Variants in DHODH observed in about 807,000 individuals in gnomAD.
The protein encoded by DHODH is dihydroorotate dehydrogenase (quinone), also known as dihydroorotate dehydrogenase (quinone), mitochondrial.
Under a neutral mutation model 39.7 loss-of-function variants are expected in DHODH, and 30 were observed. The ratio of observed to expected loss-of-function variants is 0.76; its 90% confidence interval spans 0.57 to 1.02. DHODH has a LOEUF of 1.02. Ranked by LOEUF, DHODH falls within the 50% of genes least tolerant of loss-of-function variation. The pLI is 0.00. For synonymous variants in DHODH, 222 were observed against 213.8 expected (o/e 1.04, Z -0.34); for missense variants, 531 against 520.8 (o/e 1.02, Z -0.19).
chr16:72,014,652 G>C lies in DHODH; in HGVS notation c.414G>C (p.Glu138Asp). The C allele has an allele frequency of 6.2e-7, 1 of 1,614,106 alleles. No individual in the cohort carries two copies. The highest frequency in any genetic ancestry group is 8.5e-7 in the Non-Finnish European group (1 of 1,180,020). Residue 138 changes from glutamate to aspartate, a missense_variant, in exon 3 of 9, where the codon GAG (glutamate) becomes GAC (aspartate). By Grantham distance (45) the Glu-to-Asp change is conservative. Coordinates refer to ENST00000219240, the MANE Select transcript of DHODH (RefSeq NM_001361.5). ...NPRPRVFRLPEDQAVINRYGF... is the reference protein window; with the variant it reads ...NPRPRVFRLPDDQAVINRYGF... ...GACCCAGAGTCTTCCGCCTCCCTGA[G>C]GACCAAGCTGTCATTAACAGGTAGG...
chr16:72,018,103 C>T (rs1299689899), intron 4 of DHODH, among the ~76,000 whole-genome samples: 10 of 106,738 alleles, frequency 9.4e-5, no homozygotes, highest in Non-Finnish European at 1.5e-4. Flanking sequence ...ACGCCTCCGG[C>T]GATGCGGGTG....
At chr16:72,019,805 T>A (rs993202026) in intron 4 of DHODH, among the ~76,000 whole-genome samples, 13 of 152,174 alleles carry the variant, frequency 8.5e-5, no homozygotes, top group African/African-American at 3.1e-4. Context: ...ACTAAAATTA[T>A]AAGTTAGAAA....
chr16:72,024,065 TG>T, intron 8 of DHODH, 79 bp from the exon 9 acceptor site: 1 of 1,456,782 alleles, frequency 6.9e-7, no homozygotes, highest in Non-Finnish European at 9.6e-7. Context: ...GATGCGTTTC[TG>T]GGTGAACGTG....
At chr16:72,020,203 GGGACGGAGGT>G (rs1567572634) in intron 4 of DHODH, among the ~76,000 whole-genome samples, 1 of 151,150 alleles carries the variant, frequency 6.6e-6, no homozygotes, top group African/African-American at 2.4e-5. Context: ...TTGAATTCAG[GGGACGGAGGT>G]TGCAGTGAGC....
At chr16:72,016,920 G>A in intron 3 of DHODH, 104 bp from the exon 4 acceptor site, 1 of 1,061,984 alleles carries the variant, frequency 9.4e-7, no homozygotes, top group Non-Finnish European at 1.4e-6. Flanking sequence ...TGTAAGAACT[G>A]ACTGTGATTT....
intron 7 of DHODH, 62 bp downstream of exon 7, chr16:72,023,380 G>A: frequency 6.2e-7 from 1 of 1,613,886 alleles, no homozygotes; most frequent in Non-Finnish European, 8.5e-7. Context: ...GGGTCGTGAT[G>A]GGAATCATCA....
intron 5 of DHODH, among the ~76,000 whole-genome samples, 189 bp downstream of exon 5, chr16:72,021,500 G>A (rs779945012): frequency 2.0e-5 from 3 of 152,104 alleles, no homozygotes; most frequent in South Asian, 2.1e-4. Flanking sequence ...TATATGCGAC[G>A]GTGACAAATT....
intron 2 of DHODH, among the ~76,000 whole-genome samples, chr16:72,012,722 G>A (rs546531978): frequency 2.0e-5 from 3 of 152,338 alleles, no homozygotes; most frequent in Admixed American, 1.3e-4. Context: ...GAGTCATTAA[G>A]CACTGGTGAG....
intron 5 of DHODH, among the ~76,000 whole-genome samples, chr16:72,022,093 C>CAAAAAAAAAAA (rs57957042): frequency 1.2e-5 from 1 of 86,064 alleles, no homozygotes; most frequent in African/African-American, 3.8e-5. Context: ...GACCTTGTCT[C>CAAAAAAAAAAA]AAAAAAAAAA....
chr16:72,022,558 G>A (rs1334483251), intron 6 of DHODH, 83 bp downstream of exon 6: 22 of 1,122,456 alleles, frequency 2.0e-5, no homozygotes, highest in East Asian at 5.1e-5. Context: ...CCAGAATGGC[G>A]TTCTTTGTGA....
At position 72,023,212 on chromosome 16, in the gene DHODH, T is replaced by C; in HGVS notation, c.867T>C (p.Pro289=). 1 of 1,614,172 alleles carries C rather than the reference T, an allele frequency of 6.2e-7. No individual in the cohort carries two copies. The highest frequency in any genetic ancestry group is 8.5e-7 in the Non-Finnish European group (1 of 1,180,028). ...TTACGAACACCACCGTGAGTCGCCC[T>C]GCGGGCCTCCAGGGTGCCCTGCGCT... is the stretch of plus-strand genomic sequence containing the variant. ...LIVTNTTVSR[P]AGLQGALRSE... Residue 289 remains proline, a synonymous_variant, in exon 7 of 9, where the codon CCT becomes CCC. Coordinates refer to ENST00000219240, the MANE Select transcript of DHODH (RefSeq NM_001361.5).
intron 1 of DHODH, among the ~76,000 whole-genome samples, chr16:72,011,404 C>T (rs997646424): frequency 1.3e-5 from 2 of 152,142 alleles, no homozygotes; most frequent in Admixed American, 6.5e-5. Flanking sequence ...TTTGGGAGGC[C>T]AAAGCAGGAG....
chr16:72,014,398 C>A, intron 2 of DHODH, 75 bp from the exon 3 acceptor site: 1 of 1,412,188 alleles, frequency 7.1e-7, no homozygotes, highest in Non-Finnish European at 1.0e-6. Flanking sequence ...TCTGATGTAG[C>A]TGTGCCAGGA....
intron 3 of DHODH, chr16:72,016,662 G>A (rs1399561376): frequency 5.6e-6 from 2 of 359,720 alleles, no homozygotes; most frequent in Non-Finnish European, 1.1e-5. Flanking sequence ...CTAGAGAGAT[G>A]GAGTGGCTGC....
chr16:72,018,312 G>A (rs150624705), intron 4 of DHODH, among the ~76,000 whole-genome samples: 3 of 152,294 alleles, frequency 2.0e-5, no homozygotes, highest in African/African-American at 7.2e-5. Flanking sequence ...GCAGGATGAA[G>A]AAACCAATGG....
chr16:72,014,485 C>A lies in DHODH; in HGVS notation c.247C>A (p.Leu83Met), dbSNP rs201728681. 6.2e-7 allele frequency: 1 copy of A among 1,613,220 alleles called. No homozygotes were observed. Among genetic ancestry groups the A allele is most frequent in the East Asian group, 2.2e-5 (1 of 44,882 alleles). The change falls in exon 3 of 9, where the codon CTG becomes ATG. Residue 83 changes from leucine (L) to methionine (M), a missense_variant. Transcript: ENST00000219240. ...QDSDMLEVRV[L>M]GHKFRNPVGI... ...TTCCTCTTCCCAGGAAGTGAGAGTT[C>A]TGGGCCATAAATTCCGAAATCCAGT... is the stretch of plus-strand genomic sequence containing the variant.
At position 72,008,781 on chromosome 16, in the gene DHODH, T is replaced by G; in HGVS notation, c.17T>G (p.Leu6Arg). MAWRH[L>R]KKRAQDAVII... ...GGAAGGAGCATGGCGTGGAGACACC[T>G]GAAAGTGAGTCCCGCGAGTGAGCAG... Residue 6 changes from leucine (L) to arginine (R), a missense_variant, in exon 1 of 9, where the codon CTG becomes CGG. Physicochemically the swap from Leu to Arg is moderately radical, Grantham distance 102. Transcript: ENST00000219240. 4 of 1,551,794 alleles carry G rather than the reference T, an allele frequency of 2.6e-6. No homozygotes were observed. The highest frequency in any genetic ancestry group is 1.7e-6 in the Non-Finnish European group (2 of 1,147,050).
Position 72,024,339 on chromosome 16 carries a change from G to A in DHODH, c.*140G>A, listed in dbSNP as rs1020084725. The A allele has an allele frequency of 6.4e-5, 56 of 871,060 alleles. No individual in the cohort carries two copies. Among genetic ancestry groups the A allele is most frequent in the South Asian group, 1.5e-4 (11 of 71,476 alleles). 54.0% of individuals were successfully genotyped at this position (871,060 alleles called of 1,614,324 possible). On this transcript the variant is annotated 3_prime_UTR_variant, in exon 9 of 9. Coordinates refer to ENST00000219240, the MANE Select transcript of DHODH (RefSeq NM_001361.5). ...CATGGCTGCACTGTAAACGCCAATC[G>A]GGGGGTCACCAGGATCAACCGCAGG...
chr16:72,024,461 T>G lies in DHODH; in HGVS notation c.*262T>G. On this transcript the variant is annotated 3_prime_UTR_variant, in exon 9 of 9. Transcript: ENST00000219240. ...TCAGTCTTGCAAGGACATTGAATAT[T>G]AGGAGGAAAAAGTCATGGAAAAAAT... is the stretch of plus-strand genomic sequence containing the variant. 1.9e-6 allele frequency: 1 copy of G among 530,198 alleles called. No homozygotes were observed. Among genetic ancestry groups the G allele is most frequent in the Non-Finnish European group, 3.4e-6 (1 of 292,870 alleles). 32.8% of individuals were successfully genotyped at this position (530,198 alleles called of 1,614,324 possible). A position where few individuals can be genotyped will look rare whatever the true frequency, so the allele number is the denominator to read the frequency against.
Sources: gnomAD v4.1 joint callset for allele counts (sites outside exome capture counted in the v4.1 genomes callset) on GRCh38, gnomAD v4.1.1 for gene constraint, MANE v1.5 for transcripts, NCBI Gene and HGNC (gene_info 2026-07-23, HGNC 2026-07-21) for gene names.